CHCHD6: variants seen among roughly 807,000 people sequenced by gnomAD.
The protein encoded by CHCHD6 is MICOS complex subunit MIC25.
In CHCHD6, 28 loss-of-function variants were observed where a neutral mutation model predicts 32.3. The ratio of observed to expected loss-of-function variants is 0.87; its 90% confidence interval spans 0.64 to 1.19. The LOEUF (loss-of-function observed/expected upper bound fraction) is 1.19, where lower values mean the gene tolerates loss of function less well. Ranked by LOEUF, CHCHD6 falls within the 50% of genes most tolerant of loss-of-function variation. CHCHD6 has a pLI of 0.00. For missense variants in CHCHD6, 333 were observed against 307.0 expected (o/e 1.08, Z -0.63); for synonymous variants, 122 against 117.5 (o/e 1.04, Z -0.25).
chr3:126,797,370 C>T (rs1938845572), intron 4 of CHCHD6, among the ~76,000 whole-genome samples: 1 of 152,160 alleles, frequency 6.6e-6, no homozygotes, highest in African/African-American at 2.4e-5. Flanking sequence ...CCATATTTGA[C>T]ATAGAGCTTC....
At chr3:126,757,841 G>C (rs1033465623) in intron 4 of CHCHD6, among the ~76,000 whole-genome samples, 1 of 152,110 alleles carries the variant, frequency 6.6e-6, no homozygotes, top group East Asian at 1.9e-4. Context: ...ATTTTTGGGT[G>C]TCAGCAACTA....
At chr3:126,741,214 C>T (rs968782030) in intron 4 of CHCHD6, among the ~76,000 whole-genome samples, 1 of 152,218 alleles carries the variant, frequency 6.6e-6, no homozygotes, top group Non-Finnish European at 1.5e-5. Context: ...TGCTGCCTTA[C>T]CTGCAAGGTG....
chr3:126,816,446 C>T (rs1266816437), intron 4 of CHCHD6, among the ~76,000 whole-genome samples: 3 of 152,192 alleles, frequency 2.0e-5, no homozygotes, highest in Admixed American at 6.5e-5. Flanking sequence ...AGAGCAGAGG[C>T]GCTCAGCACT....
chr3:126,861,991 C>CCT (rs1553748922), intron 5 of CHCHD6, among the ~76,000 whole-genome samples: 2 of 28,942 alleles, frequency 6.9e-5, no homozygotes, highest in Admixed American at 3.1e-4. Context: ...CACCACCTCC[C>CCT]CCTCCACCAT....
chr3:126,756,793 T>C (rs1243858171), intron 4 of CHCHD6, among the ~76,000 whole-genome samples: 2 of 152,194 alleles, frequency 1.3e-5, no homozygotes, highest in Non-Finnish European at 2.9e-5. Context: ...GCTCTTACCC[T>C]TTAGCACTTG....
chr3:126,744,410 C>G (rs1936408834), intron 4 of CHCHD6, among the ~76,000 whole-genome samples: 1 of 152,210 alleles, frequency 6.6e-6, no homozygotes, highest in Non-Finnish European at 1.5e-5. Flanking sequence ...GAAACATCAA[C>G]AAGTGTTTGC....
At chr3:126,888,163 G>C (rs933748539) in intron 5 of CHCHD6, among the ~76,000 whole-genome samples, 1 of 152,176 alleles carries the variant, frequency 6.6e-6, no homozygotes, top group South Asian at 2.1e-4. Context: ...AGGAGGGAAG[G>C]CACACACAAG....
chr3:126,935,019 A>G (rs1234069133), intron 6 of CHCHD6: 19 of 453,228 alleles, frequency 4.2e-5, no homozygotes, highest in Non-Finnish European at 5.6e-5. Flanking sequence ...TTTATGAAAC[A>G]GTTCCATTTT....
At chr3:126,936,201 G>C (rs1293437934) in intron 6 of CHCHD6, among the ~76,000 whole-genome samples, 1 of 152,178 alleles carries the variant, frequency 6.6e-6, no homozygotes, top group Admixed American at 6.5e-5. Flanking sequence ...CCTTAGCCTA[G>C]ATCCTGGGAC....
At chr3:126,763,677 T>C (rs760458129) in intron 4 of CHCHD6, among the ~76,000 whole-genome samples, 1 of 152,172 alleles carries the variant, frequency 6.6e-6, no homozygotes, top group Non-Finnish European at 1.5e-5. Context: ...GATACTTTCT[T>C]TGTGGTTACA....
rs144623930 is a variant in CHCHD6 at position 126,939,625 on chromosome 3, G to A, written c.567-17791G>A. Among the ~76,000 whole-genome samples the A allele has an allele frequency of 1.8e-3, 267 of 152,324 alleles. 1 individual carries two copies. The highest frequency in any genetic ancestry group is 6.1e-3 in the African/African-American group (255 of 41,578). ...GACAACTGTGACTTGTGACAGTGTG[G>A]AAAACAGGAATTTTATCTCTCACAT... On this transcript the variant is annotated intron_variant, in intron 6 of 7. Coordinates refer to ENST00000290913, the MANE Select transcript of CHCHD6 (RefSeq NM_032343.3).
chr3:126,749,328 A>G (rs1936632822), intron 4 of CHCHD6, among the ~76,000 whole-genome samples: 2 of 152,180 alleles, frequency 1.3e-5, no homozygotes, highest in South Asian at 4.1e-4. Flanking sequence ...CAGACAAAGG[A>G]CAGTGACAGT....
rs58884302 is a variant in CHCHD6, at chr3:126,854,369, G to A, written c.495+1639G>A. The stretch of plus-strand genomic sequence containing the variant: ...TTGCTGGTGATAATAAAAAAAAAAG[G>A]AGAGCACCTCCAACATCTCAGGAAA... On this transcript the variant is annotated intron_variant, in intron 5 of 7. Coordinates refer to ENST00000290913, the MANE Select transcript of CHCHD6 (RefSeq NM_032343.3). Among the ~76,000 whole-genome samples the A allele has an allele frequency of 8.6e-3, 1,311 of 152,228 alleles. 16 individuals carry two copies. Among genetic ancestry groups the A allele is most frequent in the African/African-American group, 0.028 (1,151 of 41,538 alleles).
intron 1 of CHCHD6, among the ~76,000 whole-genome samples, chr3:126,712,434 CTCTG>C (rs1934793364): frequency 6.6e-6 from 1 of 152,048 alleles, no homozygotes; most frequent in Non-Finnish European, 1.5e-5. Context: ...TGTTGAAGGT[CTCTG>C]TATGTAAAAG....
chr3:126,870,400 CG>C (rs2077449033), intron 5 of CHCHD6, among the ~76,000 whole-genome samples: 1 of 152,278 alleles, frequency 6.6e-6, no homozygotes, highest in African/African-American at 2.4e-5. Context: ...GTGTGGAGGT[CG>C]GGGAGCTAAG....
At chr3:126,739,868 C>T (rs564141633) in intron 4 of CHCHD6, among the ~76,000 whole-genome samples, 2 of 152,192 alleles carry the variant, frequency 1.3e-5, no homozygotes, top group African/African-American at 4.8e-5. Flanking sequence ...ACTATTTTCT[C>T]TCTTGATACT....
Position 126,891,607 on chromosome 3 carries a change from C to T in CHCHD6, c.496-23073C>T, listed in dbSNP as rs550972601. 3.3e-5 allele frequency among the ~76,000 whole-genome samples: 5 copies of T among 152,240 alleles called. No individual in the cohort carries two copies. In the South Asian group the frequency reaches 6.2e-4, roughly 19 times the overall value. ...TGCCTTGAGGAGGGTAAGCCAGTAGCGTGAGTCTGGAACCTGGAAGATCCA... is the reference window on the plus strand; with the variant it reads ...TGCCTTGAGGAGGGTAAGCCAGTAGTGTGAGTCTGGAACCTGGAAGATCCA... On this transcript the variant is annotated intron_variant, in intron 5 of 7. Coordinates refer to ENST00000290913, the MANE Select transcript of CHCHD6 (RefSeq NM_032343.3).
intron 5 of CHCHD6, chr3:126,865,780 T>G (rs892727598): frequency 1.0e-6 from 1 of 965,880 alleles, no homozygotes; most frequent in Admixed American, 6.2e-5. Context: ...CAGTCTCATC[T>G]ACTACTTTGC....
chr3:126,930,541 C>T (rs1183229430), intron 6 of CHCHD6, among the ~76,000 whole-genome samples: 1 of 152,224 alleles, frequency 6.6e-6, no homozygotes, highest in Non-Finnish European at 1.5e-5. Context: ...AGCATTTGTT[C>T]TGTCTTCTGG....
Sources: gnomAD v4.1 joint callset for allele counts (sites outside exome capture counted in the v4.1 genomes callset) on GRCh38, gnomAD v4.1.1 for gene constraint, MANE v1.5 for transcripts, NCBI Gene and HGNC (gene_info 2026-07-23, HGNC 2026-07-21) for gene names.